The following UGT1A8 variants were observed in gnomAD, a reference collection of about 807,000 sequenced individuals.
The protein encoded by UGT1A8 is UDP-glucuronosyltransferase 1A8.
In UGT1A8, 39 loss-of-function variants were observed where a neutral mutation model predicts 45.3. The ratio of observed to expected loss-of-function variants is 0.86; its 90% CI spans 0.67 to 1.12. The LOEUF is 1.12. UGT1A8 is among the 50% of genes most tolerant of loss of function. The pLI is 0.00. For missense variants in UGT1A8, 719 were observed against 664.9 expected, an observed-to-expected ratio of 1.08 and a Z score of -0.90; for synonymous variants, 275 against 249.2, an observed-to-expected ratio of 1.10 and a Z score of -0.97.
intron 1 of UGT1A8, among the ~76,000 whole-genome samples, chr2:233,684,286 A>G (rs941615401): frequency 6.6e-6 from 1 of 152,226 alleles, no homozygotes; most frequent in South Asian, 2.1e-4. Flanking sequence ...CATGACTTTC[A>G]GCTCTTGGCA....
chr2:233,727,325 G>A (rs180717488), intron 1 of UGT1A8, among the ~76,000 whole-genome samples: 2 of 152,224 alleles, frequency 1.3e-5, no homozygotes, highest in Non-Finnish European at 1.5e-5. Flanking sequence ...CAGGCACCAG[G>A]AGCTCCTCCC....
chr2:233,623,625 T>A (rs972779209), intron 1 of UGT1A8, among the ~76,000 whole-genome samples: 37 of 152,172 alleles, frequency 2.4e-4, no homozygotes, highest in African/African-American at 8.9e-4. Context: ...ACAGTAAAAA[T>A]TTTTTAATAT....
Position 233,648,261 on chromosome 2 carries a change from T to A in UGT1A8, c.855+29699T>A, listed in dbSNP as rs564142263. ...AATACTTAAAGGAGAGTTCTTTTGA[T>A]GCGGTGTTTCTGGATCCTTTAGATA... On this transcript the variant is annotated intron_variant, in intron 1 of 4. Transcript: ENST00000373450. The A allele has an allele frequency of 2.4e-5, 15 of 627,440 alleles. No homozygotes were observed. In the African/African-American group the frequency reaches 2.4e-4, roughly 10 times the overall value. The allele number at this position is 627,440 out of a possible 1,614,324, so 38.9% of individuals were successfully genotyped here.
In UGT1A8 at chr2:233,678,824, T is replaced by C. The variant is rs117986247; in HGVS notation, c.855+60262T>C. ...CTTGAATTTCTCCAAGAGTCATATT[T>C]TGAAATACCTTATCCCCAACATTTT... is the stretch of plus-strand genomic sequence containing the variant. On this transcript the variant is annotated intron_variant, in intron 1 of 4. Coordinates refer to ENST00000373450, the MANE Select transcript of UGT1A8 (RefSeq NM_019076.5). Among the ~76,000 whole-genome samples, 189 of 152,352 alleles carry C rather than the reference T, an allele frequency of 1.2e-3. 1 individual carries two copies. In the East Asian group the frequency reaches 0.017, roughly 13 times the overall value.
chr2:233,765,861 A>G (rs1698967280), intron 1 of UGT1A8, among the ~76,000 whole-genome samples: 1 of 152,118 alleles, frequency 6.6e-6, no homozygotes, highest in African/African-American at 2.4e-5. Flanking sequence ...AGAGCATGTG[A>G]CAGCGGGAGG....
intron 1 of UGT1A8, among the ~76,000 whole-genome samples, chr2:233,731,771 A>T (rs1045763879): frequency 6.6e-6 from 1 of 152,184 alleles, no homozygotes; most frequent in Non-Finnish European, 1.5e-5. Flanking sequence ...TTAGAGTAGT[A>T]TCATTTATAA....
chr2:233,740,379 T>C (rs1691378292), intron 1 of UGT1A8, among the ~76,000 whole-genome samples: 1 of 151,912 alleles, frequency 6.6e-6, no homozygotes, highest in Admixed American at 6.5e-5. Flanking sequence ...AGGTAAGTTG[T>C]TGTGTGAATT....
Position 233,713,763 on chromosome 2 carries a change from C to G in UGT1A8, c.856-53271C>G, listed in dbSNP as rs145951104. 4 of 1,613,766 alleles carry G rather than the reference C, an allele frequency of 2.5e-6. No individual in the cohort carries two copies. In the African/African-American group the frequency reaches 4.0e-5, roughly 16 times the overall value. On this transcript the variant is annotated intron_variant, in intron 1 of 4. Transcript: ENST00000373450. Reference sequence around the variant, plus strand: ...CAGCCATGCATCTGTGTGGCTGTTCCGAGGGGACTTTGTGATGGATTACCC... The same window carrying G: ...CAGCCATGCATCTGTGTGGCTGTTCGGAGGGGACTTTGTGATGGATTACCC...
At chr2:233,620,665 T>C (rs2072986047) in intron 1 of UGT1A8, among the ~76,000 whole-genome samples, 1 of 152,194 alleles carries the variant, frequency 6.6e-6, no homozygotes. Context: ...TGTGTATTAA[T>C]GTATATATTT....
Position 233,730,172 on chromosome 2 carries a change from A to T in UGT1A8, c.856-36862A>T, listed in dbSNP as rs45486905. On this transcript the variant is annotated intron_variant, in intron 1 of 4. Coordinates refer to ENST00000373450, the MANE Select transcript of UGT1A8 (RefSeq NM_019076.5). ...TAAGGGGTCTCTAGTAGCGTATTTCAGGTTTTAAATGGTCACTGAGAGGAA... is the reference window on the plus strand; with the variant it reads ...TAAGGGGTCTCTAGTAGCGTATTTCTGGTTTTAAATGGTCACTGAGAGGAA... Among the ~76,000 whole-genome samples the T allele has an allele frequency of 6.6e-5, 10 of 152,342 alleles. No homozygotes were observed. In the East Asian group the frequency reaches 1.9e-3, roughly 29 times the overall value.
chr2:233,634,401 C>T (rs931886848), intron 1 of UGT1A8, among the ~76,000 whole-genome samples: 2 of 152,148 alleles, frequency 1.3e-5, no homozygotes, highest in African/African-American at 4.8e-5. Flanking sequence ...CTAATATTGA[C>T]AATGGAGTGT....
chr2:233,730,164 C>T (rs556230722), intron 1 of UGT1A8, among the ~76,000 whole-genome samples: 9 of 152,110 alleles, frequency 5.9e-5, no homozygotes, highest in Admixed American at 1.3e-4. Context: ...TCTCTAGTAG[C>T]GTATTTCAGG....
chr2:233,705,147 A>G (rs1162115841), intron 1 of UGT1A8, among the ~76,000 whole-genome samples: 2 of 151,972 alleles, frequency 1.3e-5, no homozygotes, highest in Admixed American at 6.6e-5. Flanking sequence ...AAAAAAAAAA[A>G]AAGAGAGAGA....
intron 1 of UGT1A8, among the ~76,000 whole-genome samples, chr2:233,724,315 G>A (rs1179998085): frequency 6.7e-6 from 1 of 148,800 alleles, no homozygotes; most frequent in African/African-American, 2.5e-5. Flanking sequence ...CTCCCGGACG[G>A]GGCGGCTGGC....
intron 1 of UGT1A8, chr2:233,748,079 G>C: frequency 6.2e-7 from 1 of 1,613,192 alleles, no homozygotes; most frequent in Non-Finnish European, 8.5e-7. Context: ...CACTATCTCA[G>C]GTCGGTGTTC....
chr2:233,704,825 T>C (rs900161304), intron 1 of UGT1A8, among the ~76,000 whole-genome samples: 13 of 152,104 alleles, frequency 8.5e-5, no homozygotes, highest in Admixed American at 6.5e-4. Flanking sequence ...TTTTTAGGAT[T>C]GCTTTTAAAA....
At chr2:233,717,097 A>C (rs1035812992) in intron 1 of UGT1A8, among the ~76,000 whole-genome samples, 3 of 152,144 alleles carry the variant, frequency 2.0e-5, no homozygotes, top group Non-Finnish European at 4.4e-5. Flanking sequence ...TGACATCACT[A>C]TCTAAATAAA....
chr2:233,746,490 T>C (rs1347659366), intron 1 of UGT1A8, among the ~76,000 whole-genome samples: 2 of 151,808 alleles, frequency 1.3e-5, no homozygotes, highest in Admixed American at 1.3e-4. Flanking sequence ...CATGGACATG[T>C]CACTCTTTAG....
At chr2:233,648,699 C>T (rs2073665490) in intron 1 of UGT1A8, 6 of 394,394 alleles carry the variant, frequency 1.5e-5, no homozygotes, top group East Asian at 5.9e-5. Context: ...CTCCTAACCT[C>T]GTGATCCGCC....
Sources: allele counts gnomAD v4.1 joint callset (sites outside exome capture counted in the v4.1 genomes callset), GRCh38; gene constraint gnomAD v4.1.1; transcripts MANE v1.5; gene names NCBI Gene and HGNC (gene_info 2026-07-23, HGNC 2026-07-21).